Variants in SUMF1 observed in about 807,000 individuals in gnomAD.
SUMF1 encodes the protein sulfatase modifying factor 1.
A neutral mutation model predicts 47.6 loss-of-function variants in SUMF1; 48 were observed. That is an observed-to-expected ratio of 1.01 (90% CI 0.80 to 1.28). SUMF1 has a LOEUF of 1.28. Ranked by LOEUF, SUMF1 falls within the 50% of genes most tolerant of loss-of-function variation. The pLI, the probability that SUMF1 is intolerant of heterozygous loss-of-function variation, is 0.00. For synonymous variants in SUMF1, 230 were observed against 192.1 expected (o/e 1.20, Z -1.63); for missense variants, 571 against 485.4 (o/e 1.18, Z -1.66).
chr3:4,331,344 G>A (rs1039080707), intron 8 of SUMF1, among the ~76,000 whole-genome samples: 1 of 151,786 alleles, frequency 6.6e-6, no homozygotes, highest in African/African-American at 2.4e-5. Context: ...ATACACTTTC[G>A]ATGGAGAATT....
chr3:4,446,808 C>T (rs960952430), intron 3 of SUMF1, among the ~76,000 whole-genome samples: 42 of 152,096 alleles, frequency 2.8e-4, no homozygotes, highest in African/African-American at 9.9e-4. Context: ...GTCCTAGATT[C>T]TTCAATAGAT....
At chr3:4,277,038 T>C (rs1011449797) in intron 8 of SUMF1, among the ~76,000 whole-genome samples, 1 of 152,156 alleles carries the variant, frequency 6.6e-6, no homozygotes, top group African/African-American at 2.4e-5. Flanking sequence ...TGGAAGACTT[T>C]GGAGATAATC....
chr3:4,050,987 T>C (rs896403931), intron 9 of SUMF1, among the ~76,000 whole-genome samples: 34 of 151,976 alleles, frequency 2.2e-4, no homozygotes, highest in African/African-American at 8.2e-4. Flanking sequence ...CCCTCTAAAC[T>C]TGACGTTTTA....
chr3:4,108,824 A>C (rs1693220347), intron 8 of SUMF1, among the ~76,000 whole-genome samples: 1 of 152,086 alleles, frequency 6.6e-6, no homozygotes, highest in South Asian at 2.1e-4. Context: ...GTGTCCCTGC[A>C]CGTGAGATGG....
At chr3:4,268,318 G>C (rs1213905551) in intron 8 of SUMF1, among the ~76,000 whole-genome samples, 1 of 151,906 alleles carries the variant, frequency 6.6e-6, no homozygotes, top group African/African-American at 2.4e-5. Context: ...AGCATTGGGA[G>C]ATATACCTAA....
At chr3:4,401,019 G>A (rs1701194691) in intron 7 of SUMF1, among the ~76,000 whole-genome samples, 1 of 133,438 alleles carries the variant, frequency 7.5e-6, no homozygotes, top group Non-Finnish European at 1.5e-5. Context: ...CGGTGTCCAA[G>A]TGTTCTCATT....
chr3:4,121,911 A>G (rs1319984656), intron 8 of SUMF1, among the ~76,000 whole-genome samples: 1 of 151,918 alleles, frequency 6.6e-6, no homozygotes, highest in Non-Finnish European at 1.5e-5. Context: ...GTTCCCTTCT[A>G]TGTGTCCATG....
At chr3:4,412,525 G>T (rs1433552930) in intron 6 of SUMF1, among the ~76,000 whole-genome samples, 2 of 152,138 alleles carry the variant, frequency 1.3e-5, no homozygotes, top group African/African-American at 4.8e-5. Flanking sequence ...GAGGTAGGAA[G>T]GAAAAGAAGA....
chr3:4,240,083 T>A (rs946373881), intron 8 of SUMF1, among the ~76,000 whole-genome samples: 1 of 152,222 alleles, frequency 6.6e-6, no homozygotes. Context: ...TTGATTTGTA[T>A]ATGTTGAACC....
At chr3:4,444,491 G>A (rs1022207383) in intron 3 of SUMF1, among the ~76,000 whole-genome samples, 1 of 152,082 alleles carries the variant, frequency 6.6e-6, no homozygotes, top group Non-Finnish European at 1.5e-5. Flanking sequence ...TTAAAACTAG[G>A]GGAGAAACAG....
chr3:4,206,566 C>A (rs533037162), intron 8 of SUMF1, among the ~76,000 whole-genome samples: 2 of 152,260 alleles, frequency 1.3e-5, no homozygotes, highest in African/African-American at 2.4e-5. Flanking sequence ...TCACGTGGCA[C>A]TGCCAGAAGA....
intron 8 of SUMF1, among the ~76,000 whole-genome samples, chr3:4,177,244 C>T (rs971320174): frequency 2.0e-5 from 3 of 152,152 alleles, no homozygotes; most frequent in African/African-American, 7.2e-5. Context: ...ATATTCTTCT[C>T]AGTACCACAT....
rs554096744 is a variant in SUMF1 at position 4,324,132 on chromosome 3, T to C, written c.1014+52198A>G. Among the ~76,000 whole-genome samples the C allele has an allele frequency of 8.3e-4, 126 of 152,254 alleles. No individual in the cohort carries two copies. In the Middle Eastern group the frequency reaches 0.01, roughly 12 times the overall value. On this transcript the variant is annotated intron_variant and NMD_transcript_variant, in intron 8 of 12. Transcript: ENST00000448413. ...TAATAATTTACCAAATGTGGCCCCA[T>C]TAGAATGTTTGAACATGATACATAC...
chr3:4,260,223 T>C (rs1176902345), intron 8 of SUMF1, among the ~76,000 whole-genome samples: 1 of 152,120 alleles, frequency 6.6e-6, no homozygotes, highest in Non-Finnish European at 1.5e-5. Context: ...GGGACTGATA[T>C]AAAATATATT....
chr3:4,269,026 A>G (rs971245930), intron 8 of SUMF1, among the ~76,000 whole-genome samples: 3 of 152,128 alleles, frequency 2.0e-5, no homozygotes, highest in African/African-American at 7.2e-5. Context: ...TTTTAAAGTA[A>G]CTTTTTAACC....
intron 8 of SUMF1, among the ~76,000 whole-genome samples, chr3:4,247,866 T>A (rs940854742): frequency 1.3e-5 from 2 of 152,180 alleles, no homozygotes; most frequent in Non-Finnish European, 2.9e-5. Flanking sequence ...TCAGTTCCAG[T>A]CTAAAATTGA....
intron 6 of SUMF1, among the ~76,000 whole-genome samples, chr3:4,415,243 A>C (rs960407327): frequency 6.6e-6 from 1 of 151,710 alleles, no homozygotes; most frequent in South Asian, 2.1e-4. Context: ...AAAAAAAAAA[A>C]AACAGACAGA....
intron 9 of SUMF1, among the ~76,000 whole-genome samples, chr3:4,063,565 C>A (rs1316158993): frequency 6.6e-6 from 1 of 152,004 alleles, no homozygotes; most frequent in Non-Finnish European, 1.5e-5. Context: ...ATGATAAAGA[C>A]CCTGTGAAGC....
intron 8 of SUMF1, among the ~76,000 whole-genome samples, chr3:4,239,678 G>T (rs1405250288): frequency 6.6e-6 from 1 of 152,150 alleles, no homozygotes; most frequent in Non-Finnish European, 1.5e-5. Context: ...GGGCTGAGAT[G>T]ATGGGGTTTT....
Sources: gnomAD v4.1 joint callset for allele counts (sites outside exome capture counted in the v4.1 genomes callset) on GRCh38, gnomAD v4.1.1 for gene constraint, MANE v1.5 for transcripts, NCBI Gene and HGNC (gene_info 2026-07-23, HGNC 2026-07-21) for gene names.